Variants in PITPNM1 observed in about 807,000 individuals in gnomAD.
PITPNM1 encodes membrane-associated phosphatidylinositol transfer protein 1.
In PITPNM1, 74 loss-of-function variants were observed where a neutral mutation model predicts 133.3. That is an observed-to-expected ratio of 0.56 (90% CI 0.46 to 0.67). PITPNM1 has a LOEUF of 0.67. Ranked by LOEUF, PITPNM1 falls within the 30% of genes least tolerant of loss-of-function variation. The pLI, the probability that PITPNM1 is intolerant of heterozygous loss-of-function variation, is 0.00. For synonymous variants in PITPNM1, 738 were observed against 741.4 expected, an observed-to-expected ratio of 1.00 and a Z score of 0.08; for missense variants, 1,398 against 1,739.5, an observed-to-expected ratio of 0.80 and a Z score of 3.49.
At chr11:67,497,813 AG>A in intron 12 of PITPNM1, 103 bp downstream of exon 12, 2 of 1,456,062 alleles carry the variant, frequency 1.4e-6, no homozygotes, top group Non-Finnish European at 1.9e-6. Flanking sequence ...GCAGGGCAGC[AG>A]GGGGCCTGCC....
Position 67,492,160 on chromosome 11 carries a change from T to G in PITPNM1, c.3608A>C (p.Lys1203Thr). The part of the protein sequence containing the change: ...GVAAPVDFLR[K>T]QSQLLRSRGP... ...CCTCGAGCGAAGCAGCTGGCTCTGT[T>G]TGCGCAGGAAGTCCACGGGGGCAGC... is the stretch of plus-strand genomic sequence containing the variant. The change falls in exon 24 of 24, where the codon AAA (lysine) becomes ACA (threonine). Residue 1203 changes from lysine (K) to threonine (T), a missense_variant. Around this residue, in one of 5 missense-constraint regions of PITPNM1, gnomAD observed 122 missense variants for 123.3 expected, o/e 0.99. Transcript: ENST00000356404. 2.5e-6 allele frequency: 4 copies of G among 1,611,502 alleles called. No individual in the cohort carries two copies. The highest frequency in any genetic ancestry group is 3.4e-6 in the Non-Finnish European group (4 of 1,179,788).
In PITPNM1 at chr11:67,500,065, G is replaced by A. The variant is rs377279718; in HGVS notation, c.967+30C>T. On this transcript the variant is annotated intron_variant, in intron 6 of 23. Transcript: ENST00000356404. ...CCAGGAGCCCAGCCTGGGGAGGGCCGTTCCTCCCATCCCTGTGCCCCAGCC... is the reference window on the plus strand; with the variant it reads ...CCAGGAGCCCAGCCTGGGGAGGGCCATTCCTCCCATCCCTGTGCCCCAGCC... 6.2e-6 allele frequency: 10 copies of A among 1,602,068 alleles called. No homozygotes were observed. In the East Asian group the frequency reaches 9.0e-5, roughly 14 times the overall value.
chr11:67,499,479 C>T (rs1380662943), intron 8 of PITPNM1, among the ~76,000 whole-genome samples: 1 of 149,548 alleles, frequency 6.7e-6, no homozygotes, highest in Non-Finnish European at 1.5e-5. Flanking sequence ...TCAAGTGAAG[C>T]ATTCAGGGAG....
At chr11:67,495,022 A>G in intron 17 of PITPNM1, 55 bp downstream of exon 17, 1 of 1,601,320 alleles carries the variant, frequency 6.2e-7, no homozygotes, top group Non-Finnish European at 8.5e-7. Flanking sequence ...CCCCCGGCCC[A>G]AAGCAGCCCA....
chr11:67,502,170 CCCGT>C lies in PITPNM1; in HGVS notation c.416-88_416-85del, dbSNP rs1866342840. On this transcript the variant is annotated intron_variant, in intron 4 of 23. Transcript: ENST00000356404. The surrounding 1 kb of genome is among the most constrained non-coding windows in gnomAD (Gnocchi z 5.9). Reference sequence around the variant, plus strand: ...ACCCTCTTGGGACTGGATGACAGTTCCCGTCCTTTTGCAGACAGGACATGAGGCC... The same window carrying C: ...ACCCTCTTGGGACTGGATGACAGTTCCCTTTTGCAGACAGGACATGAGGCC... The C allele has an allele frequency of 6.4e-7, 1 of 1,555,086 alleles. No homozygotes were observed. Among genetic ancestry groups the C allele is most frequent in the South Asian group, 1.2e-5 (1 of 85,542 alleles).
In PITPNM1 at chr11:67,498,171, A is replaced by G; in HGVS notation, c.1636T>C (p.Phe546Leu). 1 of 1,613,242 alleles carries G rather than the reference A, an allele frequency of 6.2e-7. No homozygotes were observed. Among genetic ancestry groups the G allele is most frequent in the Non-Finnish European group, 8.5e-7 (1 of 1,179,958 alleles). ...CCGGCACCCTCAGGTGAGCGCAGGAAGGCTGAGTAGGCCTGGTTGGTGCGG... is the reference window on the plus strand; with the variant it reads ...CCGGCACCCTCAGGTGAGCGCAGGAGGGCTGAGTAGGCCTGGTTGGTGCGG... ...IARTNQAYSA[F>L]LRSPEGAGFC... Residue 546 changes from phenylalanine (F) to leucine (L), a missense_variant, in exon 11 of 24, where the codon TTC becomes CTC. By Grantham distance (22) the Phe-to-Leu change is conservative. Coordinates refer to ENST00000356404, the MANE Select transcript of PITPNM1 (RefSeq NM_004910.3). This position sits in a 1 kb window ranked among gnomAD's most constrained non-coding sequence, Gnocchi z 5.7.
Position 67,498,902 on chromosome 11 carries a change from AG to A in PITPNM1, c.1233+37del. On this transcript the variant is annotated intron_variant, in intron 9 of 23. Transcript: ENST00000356404. The surrounding 1 kb of genome is among the most constrained non-coding windows in gnomAD (Gnocchi z 5.7). ...CACAGCAGTGGCCGGGCCAGTGAGT[AG>A]GGGGAGCTTTGACATGGGGTGGCTG... The A allele has an allele frequency of 6.2e-7, 1 of 1,611,740 alleles. No individual in the cohort carries two copies. Among genetic ancestry groups the A allele is most frequent in the East Asian group, 2.2e-5 (1 of 44,838 alleles).
rs1233263393 is a variant in PITPNM1, at chr11:67,502,832, C to A, written c.79-114G>T. ...GGGGCCCTGGTCCCAGCCTTTTCAA[C>A]TCCCTGAAACCAGACCCCGCCCCAC... On this transcript the variant is annotated intron_variant, in intron 2 of 23. Transcript: ENST00000356404. The surrounding 1 kb of genome is among the most constrained non-coding windows in gnomAD (Gnocchi z 5.9). The A allele has an allele frequency of 2.9e-6, 3 of 1,037,016 alleles. No homozygotes were observed. In the African/African-American group the frequency reaches 4.8e-5, roughly 16 times the overall value. 64.2% of individuals were successfully genotyped at this position (1,037,016 alleles called of 1,614,324 possible).
chr11:67,497,181 G>A lies in PITPNM1; in HGVS notation c.2146+50C>T, dbSNP rs1264280711. 8.2e-6 allele frequency: 12 copies of A among 1,458,570 alleles called. No individual in the cohort carries two copies. In the East Asian group the frequency reaches 2.4e-4, roughly 29 times the overall value. The allele number at this position is 1,458,570 out of a possible 1,614,324, so 90.4% of individuals were successfully genotyped here. A position where few individuals can be genotyped will look rare whatever the true frequency, so the allele number is the denominator to read the frequency against. On this transcript the variant is annotated intron_variant, in intron 14 of 23. Coordinates refer to ENST00000356404, the MANE Select transcript of PITPNM1 (RefSeq NM_004910.3). ...AGGGAAGGCCAGAGGAGGTGGGGAA[G>A]GAAGGGGCAGACAGAGACTAGAGGC...
At chr11:67,496,088 C>T (rs753380378) in intron 15 of PITPNM1, 90 bp downstream of exon 15, 32 of 1,242,078 alleles carry the variant, frequency 2.6e-5, no homozygotes, top group East Asian at 1.8e-4. Flanking sequence ...GGTTTTCCAT[C>T]GTCTGGGAGC....
At chr11:67,496,138 G>A (rs761704967) in intron 15 of PITPNM1, 40 bp downstream of exon 15, 4 of 1,461,408 alleles carry the variant, frequency 2.7e-6, no homozygotes, top group South Asian at 1.5e-5. Flanking sequence ...TCCTGTGTGT[G>A]CCCTCCTCCT....
chr11:67,492,504 T>G (rs1444946649), intron 23 of PITPNM1, among the ~76,000 whole-genome samples: 1 of 152,220 alleles, frequency 6.6e-6, no homozygotes, highest in Non-Finnish European at 1.5e-5. Flanking sequence ...TCTCTGGGCC[T>G]CAGTCTCCTC....
At chr11:67,495,388 T>A (rs1233617361) in intron 16 of PITPNM1, 50 bp downstream of exon 16, 1 of 1,460,050 alleles carries the variant, frequency 6.8e-7, no homozygotes, top group Non-Finnish European at 9.1e-7. Flanking sequence ...GGAGGTGGAA[T>A]ACGGGCCTCC....
intron 15 of PITPNM1, among the ~76,000 whole-genome samples, chr11:67,495,876 G>A (rs559316428): frequency 4.2e-4 from 64 of 152,344 alleles, no homozygotes; most frequent in Admixed American, 4.1e-3. Flanking sequence ...AATGTCTGCA[G>A]CACACCCCAC....
Position 67,499,658 on chromosome 11 carries a change from G to A in PITPNM1, c.1171+65C>T, listed in dbSNP as rs904656186. The A allele has an allele frequency of 4.5e-5, 26 of 576,942 alleles. 1 individual carries two copies. Among genetic ancestry groups the A allele is most frequent in the Non-Finnish European group, 5.8e-5 (22 of 377,022 alleles). 35.7% of individuals were successfully genotyped at this position (576,942 alleles called of 1,614,324 possible). A position where few individuals can be genotyped will look rare whatever the true frequency, so the allele number is the denominator to read the frequency against. On this transcript the variant is annotated intron_variant, in intron 8 of 23. Coordinates refer to ENST00000356404, the MANE Select transcript of PITPNM1 (RefSeq NM_004910.3). ...TTCAGATTGCCTCTCATCTTAAGAT[G>A]CCATTAAACTCATGACCTGCTGTAC... is the stretch of plus-strand genomic sequence containing the variant.
At chr11:67,497,761 TG>T in intron 12 of PITPNM1, 82 bp from the exon 13 acceptor site, 2 of 1,565,476 alleles carry the variant, frequency 1.3e-6, no homozygotes. Context: ...GAGCGAGGCT[TG>T]GGGGTTGGGC....
Position 67,491,924 on chromosome 11 carries a change from G to T in PITPNM1, c.*109C>A. 1 of 1,245,688 alleles carries T rather than the reference G, an allele frequency of 8.0e-7. No individual in the cohort carries two copies. Among genetic ancestry groups the T allele is most frequent in the Non-Finnish European group, 1.1e-6 (1 of 895,882 alleles). The allele number at this position is 1,245,688 out of a possible 1,614,324, so 77.2% of individuals were successfully genotyped here. A position where few individuals can be genotyped will look rare whatever the true frequency, so the allele number is the denominator to read the frequency against. ...CACGGAGATATAGGGTGTGGGGCTGGGGGGGCCAGCGCTGGGGCCAAAAGT... is the reference window on the plus strand; with the variant it reads ...CACGGAGATATAGGGTGTGGGGCTGTGGGGGCCAGCGCTGGGGCCAAAAGT... On this transcript the variant is annotated 3_prime_UTR_variant, in exon 24 of 24. Transcript: ENST00000356404.
In PITPNM1 at chr11:67,504,073, G is replaced by A. The variant is rs767959859; in HGVS notation, c.78+30C>T. 6.4e-7 allele frequency: 1 copy of A among 1,551,202 alleles called. No homozygotes were observed. Among genetic ancestry groups the A allele is most frequent in the African/African-American group, 1.4e-5 (1 of 73,868 alleles). On this transcript the variant is annotated intron_variant, in intron 2 of 23. Coordinates refer to ENST00000356404, the MANE Select transcript of PITPNM1 (RefSeq NM_004910.3). The surrounding 1 kb of genome is among the most constrained non-coding windows in gnomAD (Gnocchi z 5.4). Reference sequence around the variant, plus strand: ...CGGGGTCGGCAGGGCTCCACCCCTTGCCCGGGTGCCCTCTCCCCGCCGCCC... The same window carrying A: ...CGGGGTCGGCAGGGCTCCACCCCTTACCCGGGTGCCCTCTCCCCGCCGCCC...
chr11:67,495,666 G>C, intron 15 of PITPNM1, 64 bp from the exon 16 acceptor site: 1 of 1,431,778 alleles, frequency 7.0e-7, no homozygotes, highest in Admixed American at 2.9e-5. Context: ...TCTCACCCAG[G>C]GCTCCCCGCA....
Sources: gnomAD v4.1 joint callset for allele counts (sites outside exome capture counted in the v4.1 genomes callset) on GRCh38, gnomAD v4.1.1 for gene constraint, gnomAD v4.1.1 regional missense constraint, Gnocchi (gnomAD v3.1) non-coding constraint, MANE v1.5 for transcripts, NCBI Gene and HGNC (gene_info 2026-07-23, HGNC 2026-07-21) for gene names.